NRXN3: variants seen among roughly 807,000 people sequenced by gnomAD.
NRXN3 encodes neurexin 3, also known as neurexin III.
A neutral mutation model predicts 137.6 loss-of-function variants in NRXN3; 32 were observed. The ratio of observed to expected loss-of-function variants is 0.23; its 90% CI spans 0.18 to 0.31. The LOEUF is 0.31. Among genes scored for constraint, NRXN3 ranks in the 10% least tolerant of loss-of-function variants. NRXN3 has a pLI of 1.00. For missense variants in NRXN3, 1,574 were observed against 2,062.5 expected, an observed-to-expected ratio of 0.76 and a Z score of 4.59; for synonymous variants, 798 against 784.5, an observed-to-expected ratio of 1.02 and a Z score of -0.29.
chr14:78,984,022 C>T (rs564257707), intron 14 of NRXN3, among the ~76,000 whole-genome samples: 7 of 151,498 alleles, frequency 4.6e-5, no homozygotes, highest in Admixed American at 1.3e-4. Context: ...AATTTGAACT[C>T]ATAGAAATAG....
chr14:79,308,788 T>C (rs2153228523), intron 15 of NRXN3, among the ~76,000 whole-genome samples: 1 of 149,508 alleles, frequency 6.7e-6, no homozygotes, highest in African/African-American at 2.4e-5. Flanking sequence ...ATTAAGAATA[T>C]GCACTGAATG....
intron 19 of NRXN3, among the ~76,000 whole-genome samples, chr14:79,771,467 C>T (rs1282017188): frequency 1.3e-5 from 2 of 151,810 alleles, no homozygotes; most frequent in African/African-American, 4.8e-5. Context: ...AAGGCTGGTT[C>T]AATATACGCA....
At chr14:79,162,208 T>G (rs143302322) in intron 15 of NRXN3, among the ~76,000 whole-genome samples, 5,178 of 151,336 alleles carry the variant, frequency 0.034, 249 homozygotes, top group East Asian at 0.23. Flanking sequence ...TAGTTACATA[T>G]GTATACATGT....
At chr14:78,641,025 C>CA (rs1324821123) in intron 4 of NRXN3, among the ~76,000 whole-genome samples, 1 of 152,164 alleles carries the variant, frequency 6.6e-6, no homozygotes, top group East Asian at 1.9e-4. Flanking sequence ...TGAATAAATA[C>CA]AAGGTGACTG....
At chr14:78,383,128 A>C (rs2089415767) in intron 4 of NRXN3, among the ~76,000 whole-genome samples, 1 of 152,148 alleles carries the variant, frequency 6.6e-6, no homozygotes, top group South Asian at 2.1e-4. Context: ...CCTACAAGTG[A>C]ATCAGGGGCT....
intron 15 of NRXN3, among the ~76,000 whole-genome samples, chr14:79,171,040 T>C (rs1290837193): frequency 6.6e-6 from 1 of 152,004 alleles, no homozygotes; most frequent in Non-Finnish European, 1.5e-5. Flanking sequence ...TTTAAACACA[T>C]AGACTCCTCA....
At chr14:79,501,925 AT>A (rs1259350010) in intron 16 of NRXN3, among the ~76,000 whole-genome samples, 1 of 152,178 alleles carries the variant, frequency 6.6e-6, no homozygotes, top group African/African-American at 2.4e-5. Context: ...TTAAGAATTT[AT>A]TTGGAAAAGC....
chr14:78,939,478 G>A (rs974687069), intron 10 of NRXN3, among the ~76,000 whole-genome samples: 2 of 152,174 alleles, frequency 1.3e-5, no homozygotes, highest in African/African-American at 4.8e-5. Flanking sequence ...TGCTGATGAA[G>A]TAGTTACAAG....
At chr14:79,191,287 A>T (rs1388496670) in intron 15 of NRXN3, among the ~76,000 whole-genome samples, 1 of 152,242 alleles carries the variant, frequency 6.6e-6, no homozygotes. Flanking sequence ...AAACTGAAAT[A>T]CAAAGGCATG....
At chr14:78,897,361 T>G (rs1031433939) in intron 10 of NRXN3, among the ~76,000 whole-genome samples, 2 of 151,908 alleles carry the variant, frequency 1.3e-5, no homozygotes, top group Admixed American at 1.3e-4. Flanking sequence ...TTTTTTTCTT[T>G]CTTTTTTTTT....
intron 5 of NRXN3, chr14:78,649,213 A>G (rs552573487): frequency 9.4e-6 from 12 of 1,277,628 alleles, no homozygotes; most frequent in African/African-American, 1.5e-5. Context: ...TTTTTTAATT[A>G]ACAATCGTTC....
At chr14:79,137,216 C>T (rs2058329468) in intron 15 of NRXN3, among the ~76,000 whole-genome samples, 1 of 152,196 alleles carries the variant, frequency 6.6e-6, no homozygotes, top group African/African-American at 2.4e-5. Context: ...GTCCCAGCTT[C>T]ATGCCATCTG....
chr14:79,113,824 A>G (rs912623904), intron 15 of NRXN3, among the ~76,000 whole-genome samples: 23 of 152,194 alleles, frequency 1.5e-4, no homozygotes, highest in Admixed American at 1.5e-3. Flanking sequence ...TGAGTTATTA[A>G]TAGTTAAAAT....
intron 15 of NRXN3, among the ~76,000 whole-genome samples, chr14:79,329,738 A>G (rs2091412349): frequency 6.6e-6 from 1 of 152,206 alleles, no homozygotes; most frequent in Admixed American, 6.5e-5. Flanking sequence ...AGGGAATTTC[A>G]GAAGAAAGCC....
rs575546983 is a variant in NRXN3 at position 78,249,041 on chromosome 14, C to T, written c.709+5239C>T. Reference sequence around the variant, plus strand: ...ACTGTATGCTAAATGGCAGAGCAGCCGCCTGCCACTTGCTTCAATTATCCC... The same window carrying T: ...ACTGTATGCTAAATGGCAGAGCAGCTGCCTGCCACTTGCTTCAATTATCCC... On this transcript the variant is annotated intron_variant, in intron 2 of 20. Coordinates refer to ENST00000335750, the MANE Select transcript of NRXN3 (RefSeq NM_001330195.2). Among the ~76,000 whole-genome samples the T allele has an allele frequency of 2.0e-3, 300 of 152,294 alleles. 1 individual carries two copies. Among genetic ancestry groups the T allele is most frequent in the Non-Finnish European group, 3.2e-3 (216 of 68,022 alleles).
At chr14:78,363,626 G>A (rs1347584730) in intron 4 of NRXN3, among the ~76,000 whole-genome samples, 1 of 152,128 alleles carries the variant, frequency 6.6e-6, no homozygotes, top group Non-Finnish European at 1.5e-5. Context: ...GCTCCACTCA[G>A]GTCTTTCCTA....
intron 15 of NRXN3, among the ~76,000 whole-genome samples, chr14:79,156,057 C>T (rs903156093): frequency 6.6e-6 from 1 of 151,798 alleles, no homozygotes; most frequent in African/African-American, 2.4e-5. Flanking sequence ...GACTTAACTT[C>T]TTTAAACCAA....
chr14:78,511,012 T>G (rs2096094784), intron 4 of NRXN3, among the ~76,000 whole-genome samples: 1 of 152,084 alleles, frequency 6.6e-6, no homozygotes, highest in Non-Finnish European at 1.5e-5. Context: ...TTGAATAGAG[T>G]AGTAAAGCAT....
intron 4 of NRXN3, among the ~76,000 whole-genome samples, chr14:78,601,641 A>G (rs1199520639): frequency 6.6e-6 from 1 of 152,066 alleles, no homozygotes; most frequent in Non-Finnish European, 1.5e-5. Flanking sequence ...TTTTTAGTAG[A>G]CACAGGGTTT....
Sources: gnomAD v4.1 joint callset for allele counts (sites outside exome capture counted in the v4.1 genomes callset) on GRCh38, gnomAD v4.1.1 for gene constraint, MANE v1.5 for transcripts, NCBI Gene and HGNC (gene_info 2026-07-23, HGNC 2026-07-21) for gene names.